Variants in ARSK observed in about 807,000 individuals in gnomAD.
The protein encoded by ARSK is arylsulfatase K.
Under a neutral mutation model 53.2 loss-of-function variants are expected in ARSK, and 37 were observed. That is an observed-to-expected ratio of 0.70 (90% CI 0.54 to 0.92). The LOEUF is 0.92. Ranked by LOEUF, ARSK falls within the 40% of genes least tolerant of loss-of-function variation. The probability of loss-of-function intolerance (pLI) is 0.00; values close to 1 mark genes in which losing one functional copy is unlikely to be tolerated. For missense variants in ARSK, 613 were observed against 643.0 expected (o/e 0.95, Z 0.51); for synonymous variants, 208 against 223.2 (o/e 0.93, Z 0.61).
chr5:95,581,876 T>A (rs76656230), intron 3 of ARSK, among the ~76,000 whole-genome samples: 6,487 of 152,228 alleles, frequency 0.043, 193 homozygotes, highest in East Asian at 0.11. Context: ...AAATTATGGT[T>A]TTTTTATTTT....
chr5:95,584,351 T>G (rs181625781), intron 4 of ARSK, among the ~76,000 whole-genome samples: 53 of 152,314 alleles, frequency 3.5e-4, no homozygotes, highest in Non-Finnish European at 6.6e-4. Context: ...GTGTGAAAGT[T>G]TGTACTTCTT....
intron 3 of ARSK, among the ~76,000 whole-genome samples, chr5:95,571,264 G>A (rs1748826616): frequency 6.6e-6 from 1 of 152,164 alleles, no homozygotes; most frequent in East Asian, 1.9e-4. Context: ...ATTCTTCTAT[G>A]TGACATGGTT....
chr5:95,581,173 A>G lies in ARSK; in HGVS notation c.417-1743A>G, dbSNP rs536136387. ...ATAAAGCCAAGTTTGAAATCTGGCC[A>G]TAATGATTACAGTAGGCCAAAATTA... is the stretch of plus-strand genomic sequence containing the variant. On this transcript the variant is annotated intron_variant, in intron 3 of 7. Coordinates refer to ENST00000380009, the MANE Select transcript of ARSK (RefSeq NM_198150.3). 2.6e-5 allele frequency among the ~76,000 whole-genome samples: 4 copies of G among 152,368 alleles called. No homozygotes were observed. The East Asian group carries it at 7.7e-4, about 29-fold the overall frequency.
At chr5:95,585,796 CAA>C (rs1191184495) in intron 4 of ARSK, among the ~76,000 whole-genome samples, 1 of 151,992 alleles carries the variant, frequency 6.6e-6, no homozygotes. Context: ...GCCTGTTCCC[CAA>C]AAACCTGTGG....
chr5:95,580,186 A>T (rs968096109), intron 3 of ARSK, among the ~76,000 whole-genome samples: 1 of 152,214 alleles, frequency 6.6e-6, no homozygotes, highest in African/African-American at 2.4e-5. Flanking sequence ...AGTCCTTTTT[A>T]ATTGTCCTGA....
Position 95,604,411 on chromosome 5 carries a change from G to C in ARSK, c.*885G>C, listed in dbSNP as rs973626987. On this transcript the variant is annotated 3_prime_UTR_variant, in exon 8 of 8. Transcript: ENST00000380009. ...ATCCAGTTCCCCCTCCAAGAAGCAA[G>C]TACCGAAACCACCTGCTTACGCATT... 1 of 152,164 alleles carries C rather than the reference G, an allele frequency of 6.6e-6. No homozygotes were observed. Among genetic ancestry groups the C allele is most frequent in the African/African-American group, 2.4e-5 (1 of 41,440 alleles). The allele number at this position is 152,164 out of a possible 1,614,324, so 9.4% of individuals were successfully genotyped here. A position where few individuals can be genotyped will look rare whatever the true frequency, so the allele number is the denominator to read the frequency against.
intron 1 of ARSK, among the ~76,000 whole-genome samples, chr5:95,565,469 T>C (rs1748711095): frequency 6.6e-6 from 1 of 152,204 alleles, no homozygotes; most frequent in African/African-American, 2.4e-5. Flanking sequence ...AGCTGGATCC[T>C]GTTCATTCTT....
At chr5:95,565,900 A>G in intron 1 of ARSK, 98 bp from the exon 2 acceptor site, 2 of 1,139,614 alleles carry the variant, frequency 1.8e-6, no homozygotes, top group Admixed American at 2.9e-5. Context: ...TCTTAAAATC[A>G]TATTGAAGTC....
chr5:95,603,237 A>G lies in ARSK; in HGVS notation c.1322A>G (p.Asp441Gly), dbSNP rs1749435036. The G allele has an allele frequency of 6.5e-7, 1 of 1,547,560 alleles. No individual in the cohort carries two copies. Among genetic ancestry groups the G allele is most frequent in the Admixed American group, 2.1e-5 (1 of 47,216 alleles). Residue 441 changes from aspartate to glycine, a missense_variant and splice_region_variant, in exon 8 of 8, where the codon GAT (aspartate) becomes GGT (glycine). By Grantham distance (94) the Asp-to-Gly change is moderately conservative. Coordinates refer to ENST00000380009, the MANE Select transcript of ARSK (RefSeq NM_198150.3). The part of the protein sequence containing the change: ...DGASILPQLF[D>G]LSSDPDELTN... Reference sequence around the variant, plus strand: ...CAGATACTTATTTTTTTTCTTTCAGATCTTTCCTCGGATCCAGATGAATTA... The same window carrying G: ...CAGATACTTATTTTTTTTCTTTCAGGTCTTTCCTCGGATCCAGATGAATTA...
At chr5:95,560,005 A>T (rs80136643) in intron 1 of ARSK, among the ~76,000 whole-genome samples, 1 of 152,216 alleles carries the variant, frequency 6.6e-6, no homozygotes, top group African/African-American at 2.4e-5. Context: ...AGATCAGTGT[A>T]CAAAAATAAA....
At position 95,603,633 on chromosome 5, in the gene ARSK, G is replaced by A; in HGVS notation, c.*107G>A. ...TTTAATAATTACCAAGTTTTGGCCG[G>A]GCACAGTGGCTCACACCTGTAATCC... On this transcript the variant is annotated 3_prime_UTR_variant, in exon 8 of 8. Coordinates refer to ENST00000380009, the MANE Select transcript of ARSK (RefSeq NM_198150.3). 3 of 1,048,734 alleles carry A rather than the reference G, an allele frequency of 2.9e-6. No homozygotes were observed. Among genetic ancestry groups the A allele is most frequent in the Non-Finnish European group, 3.9e-6 (3 of 772,274 alleles). The allele number at this position is 1,048,734 out of a possible 1,614,324, so 65.0% of individuals were successfully genotyped here. A position where few individuals can be genotyped will look rare whatever the true frequency, so the allele number is the denominator to read the frequency against.
chr5:95,584,942 G>A (rs907399488), intron 4 of ARSK, among the ~76,000 whole-genome samples: 7 of 152,050 alleles, frequency 4.6e-5, no homozygotes, highest in South Asian at 2.1e-4. Context: ...CCTGGGAGGC[G>A]GAGGTTACAG....
At chr5:95,592,505 C>A (rs896479605) in intron 6 of ARSK, among the ~76,000 whole-genome samples, 1 of 151,824 alleles carries the variant, frequency 6.6e-6, no homozygotes, top group African/African-American at 2.4e-5. Context: ...ATTTCATATC[C>A]CTTCTCATAT....
At chr5:95,558,404 T>C (rs1206195425) in intron 1 of ARSK, among the ~76,000 whole-genome samples, 4 of 151,762 alleles carry the variant, frequency 2.6e-5, no homozygotes, top group African/African-American at 9.7e-5. Flanking sequence ...GATGGAAAAA[T>C]AGTAGAGAAA....
intron 6 of ARSK, among the ~76,000 whole-genome samples, chr5:95,598,336 C>A (rs1233967719): frequency 6.6e-6 from 1 of 152,030 alleles, no homozygotes; most frequent in Admixed American, 6.6e-5. Context: ...TTTTGAAAAG[C>A]AGTCTAAACT....
At position 95,555,721 on chromosome 5, in the gene ARSK, TTG is replaced by T; in HGVS notation, c.126+322_126+323del. ...CAGTCCATACCCCCGTTTGGTTTAA[TTG>T]TGTGGTAAAATAACATTCTGCATCT... On this transcript the variant is annotated intron_variant, in intron 1 of 7. Transcript: ENST00000380009. This position sits in a 1 kb window ranked among gnomAD's most constrained non-coding sequence, Gnocchi z 4.0. Among the ~76,000 whole-genome samples, 1 of 152,368 alleles carries T rather than the reference TTG, an allele frequency of 6.6e-6. No individual in the cohort carries two copies. Among genetic ancestry groups the T allele is most frequent in the Non-Finnish European group, 1.5e-5 (1 of 68,040 alleles).
Position 95,583,050 on chromosome 5 carries a change from T to C in ARSK, c.551T>C (p.Val184Ala). The C allele has an allele frequency of 6.2e-7, 1 of 1,613,848 alleles. No homozygotes were observed. The highest frequency in any genetic ancestry group is 1.1e-5 in the South Asian group (1 of 91,056). The change falls in exon 4 of 8, where the codon GTA becomes GCA. Residue 184 changes from valine to alanine, a missense_variant. Coordinates refer to ENST00000380009, the MANE Select transcript of ARSK (RefSeq NM_198150.3). ...ERDWQNTDKA[V>A]NWLRKEAINY... is the part of the protein sequence containing the mutation. The stretch of plus-strand genomic sequence containing the variant: ...GATTGGCAGAATACAGACAAAGCAG[T>C]AAACTGGTTAAGAAAGGAAGCAATT...
At chr5:95,575,984 G>C (rs1175792138) in intron 3 of ARSK, among the ~76,000 whole-genome samples, 1 of 151,566 alleles carries the variant, frequency 6.6e-6, no homozygotes, top group Non-Finnish European at 1.5e-5. Flanking sequence ...AGGACTTTCA[G>C]TTTTTCCTCA....
intron 1 of ARSK, chr5:95,556,908 G>C (rs1748531791): frequency 6.6e-6 from 1 of 152,018 alleles, no homozygotes; most frequent in Admixed American, 6.6e-5. Context: ...TACTCGGGAG[G>C]CTGAAGCAGG....
Sources: allele counts gnomAD v4.1 joint callset (sites outside exome capture counted in the v4.1 genomes callset), GRCh38; gene constraint gnomAD v4.1.1; non-coding constraint Gnocchi (gnomAD v3.1); transcripts MANE v1.5; gene names NCBI Gene and HGNC (gene_info 2026-07-23, HGNC 2026-07-21).